KANK1: variants seen among roughly 807,000 people sequenced by gnomAD.
KANK1 encodes KN motif and ankyrin repeat domain-containing protein 1.
KANK1 carries 109 observed loss-of-function variants against 106.2 expected under a neutral mutation model. The observed-to-expected ratio is 1.03, with a 90% confidence interval of 0.88 to 1.20. The LOEUF (loss-of-function observed/expected upper bound fraction) is 1.20. KANK1 is among the 50% of genes most tolerant of loss of function. The pLI is 0.00. For missense variants in KANK1, 2,399 were observed against 1,710.7 expected (o/e 1.40, Z -7.10); for synonymous variants, 873 against 652.2 (o/e 1.34, Z -5.16).
intron 1 of KANK1, among the ~76,000 whole-genome samples, chr9:521,342 A>AT (rs2059541547): frequency 6.6e-6 from 1 of 151,296 alleles, no homozygotes; most frequent in Non-Finnish European, 1.5e-5. Context: ...AGCTTCTGTA[A>AT]TTTTTATGAG....
At chr9:515,168 C>A (rs1329913080) in intron 1 of KANK1, among the ~76,000 whole-genome samples, 1 of 151,386 alleles carries the variant, frequency 6.6e-6, no homozygotes, top group Non-Finnish European at 1.5e-5. Flanking sequence ...ACAGTGAAAC[C>A]CTATCTCTAC....
At chr9:519,147 C>G (rs1392885195) in intron 1 of KANK1, among the ~76,000 whole-genome samples, 1 of 151,674 alleles carries the variant, frequency 6.6e-6, no homozygotes. Context: ...GCCTCGGCCT[C>G]CCAAAGTGCT....
chr9:631,062 A>G (rs576171028), intron 1 of KANK1, among the ~76,000 whole-genome samples: 11 of 152,316 alleles, frequency 7.2e-5, no homozygotes, highest in South Asian at 4.1e-4. Flanking sequence ...GTATCTTGGT[A>G]TAAGCAGTTC....
At chr9:653,337 C>T (rs1841349354) in intron 1 of KANK1, among the ~76,000 whole-genome samples, 1 of 152,058 alleles carries the variant, frequency 6.6e-6, no homozygotes, top group Non-Finnish European at 1.5e-5. Flanking sequence ...TTGCTTGTCT[C>T]CAAGCTCTGC....
upstream of KANK1, chr9:504,666 A>T (rs528910128): frequency 1.3e-5 from 2 of 148,418 alleles, no homozygotes; most frequent in South Asian, 4.3e-4. Context: ...GCCGGGGCCG[A>T]CTCCGCCCCC....
At chr9:504,397 G>T (rs1286896605), upstream of KANK1, among the ~76,000 whole-genome samples, 1 of 151,760 alleles carries the variant, frequency 6.6e-6, no homozygotes, top group Admixed American at 6.6e-5. Flanking sequence ...GCCTGGTGGA[G>T]TTGCAGCGGC....
chr9:579,085 G>T (rs577293482), intron 1 of KANK1, among the ~76,000 whole-genome samples: 1 of 152,300 alleles, frequency 6.6e-6, no homozygotes, highest in African/African-American at 2.4e-5. Flanking sequence ...GAAAAATCGG[G>T]TTCAGTGAGG....
chr9:489,337 A>C (rs182207896), intron 3 of KANK1, among the ~76,000 whole-genome samples: 1 of 152,182 alleles, frequency 6.6e-6, no homozygotes, highest in Non-Finnish European at 1.5e-5. Flanking sequence ...TAAACTCAAC[A>C]ATCTCCAAGG....
rs139396389 is a variant in KANK1 at position 535,599 on chromosome 9, A to G, written c.-84+30845A>G. On this transcript the variant is annotated intron_variant, in intron 1 of 11. Coordinates refer to ENST00000382297, the MANE Select transcript of KANK1 (RefSeq NM_015158.5). ...AAAATGGCTTTACTCTCAGCGTGAG[A>G]TGAAACAGACAATACAGTACACCTG... 4.5e-4 allele frequency among the ~76,000 whole-genome samples: 68 copies of G among 152,334 alleles called. 1 individual carries two copies. The highest frequency in any genetic ancestry group is 3.4e-3 in the Admixed American group (52 of 15,306).
chr9:519,717 G>C (rs182198842), intron 1 of KANK1, among the ~76,000 whole-genome samples: 3 of 151,870 alleles, frequency 2.0e-5, no homozygotes. Flanking sequence ...TCCTCCATCA[G>C]TTAGAGATTA....
chr9:528,469 CTTTTTTT>C (rs36072780), intron 1 of KANK1, among the ~76,000 whole-genome samples: 29 of 85,108 alleles, frequency 3.4e-4, no homozygotes, highest in African/African-American at 8.5e-4. Flanking sequence ...TAAAAAATAA[CTTTTTTT>C]TTTTTTTTTT....
intron 1 of KANK1, chr9:673,722 T>A (rs565724081): frequency 6.6e-6 from 1 of 152,148 alleles, no homozygotes; most frequent in Non-Finnish European, 1.5e-5. Flanking sequence ...TCTGGGCACA[T>A]CTCCATCCAA....
intron 1 of KANK1, among the ~76,000 whole-genome samples, chr9:630,769 G>T (rs974546711): frequency 6.6e-6 from 1 of 151,790 alleles, no homozygotes; most frequent in East Asian, 1.9e-4. Context: ...CAGGTGTGGT[G>T]GCAGGCGCCT....
At position 530,697 on chromosome 9, in the gene KANK1, T is replaced by C. The variant is rs554248399; in HGVS notation, c.-84+25943T>C. ...TCAGTTTTGTAGTGGTATTTAAAAA[T>C]GAATTATGTGGCTGGGAGCGGTGGC... On this transcript the variant is annotated intron_variant, in intron 1 of 11. Transcript: ENST00000382297. Among the ~76,000 whole-genome samples, 5 of 152,338 alleles carry C rather than the reference T, an allele frequency of 3.3e-5. No individual in the cohort carries two copies. The East Asian group carries it at 9.6e-4, about 29-fold the overall frequency.
At position 525,894 on chromosome 9, in the gene KANK1, A is replaced by G. The variant is rs147857042; in HGVS notation, c.-84+21140A>G. Among the ~76,000 whole-genome samples, 1,112 of 151,700 alleles carry G rather than the reference A, an allele frequency of 7.3e-3. 46 individuals carry two copies. Among genetic ancestry groups the G allele is most frequent in the African/African-American group, 0.025 (1,014 of 41,042 alleles). ...CACAGTTAGTTTTAAAAAAAAATGC[A>G]TTTGTCACCCAGAGGATCAATATTT... On this transcript the variant is annotated intron_variant, in intron 1 of 11. Transcript: ENST00000382297.
At chr9:686,838 C>T (rs1419357781) in intron 2 of KANK1, 1 of 985,180 alleles carries the variant, frequency 1.0e-6, no homozygotes, top group Admixed American at 6.1e-5. Context: ...TACTTGGGTG[C>T]TAGAAAACAG....
intron 8 of KANK1, 101 bp downstream of exon 8, chr9:738,605 C>G: frequency 1.1e-6 from 1 of 896,888 alleles, no homozygotes; most frequent in East Asian, 2.5e-5. Flanking sequence ...TCTGACCATG[C>G]TAAAATCCTT....
At chr9:595,899 C>T (rs982739125) in intron 1 of KANK1, among the ~76,000 whole-genome samples, 1 of 151,836 alleles carries the variant, frequency 6.6e-6, no homozygotes. Flanking sequence ...ATAGCTTTTA[C>T]AGTTTGAGCA....
At chr9:511,024 T>C (rs7857770) in intron 1 of KANK1, among the ~76,000 whole-genome samples, 19,863 of 152,144 alleles carry the variant, frequency 0.13, 2,171 homozygotes, top group African/African-American at 0.3. Flanking sequence ...TAAGAGTTCA[T>C]AGGGAATGAA....
Sources: gnomAD v4.1 joint callset for allele counts (sites outside exome capture counted in the v4.1 genomes callset) on GRCh38, gnomAD v4.1.1 for gene constraint, MANE v1.5 for transcripts, NCBI Gene and HGNC (gene_info 2026-07-23, HGNC 2026-07-21) for gene names.